CADM1: variants seen among roughly 807,000 people sequenced by gnomAD.
CADM1 encodes TSLC-1.
CADM1 carries 15 observed loss-of-function variants against 53.1 expected under a neutral mutation model. The observed-to-expected ratio is 0.28, with a 90% CI of 0.19 to 0.44. The LOEUF is 0.44. CADM1 is among the 20% of genes least tolerant of loss of function. The pLI, the probability that CADM1 is intolerant of heterozygous loss-of-function variation, is 1.00. For synonymous variants in CADM1, 281 were observed against 243.0 expected, an observed-to-expected ratio of 1.16 and a Z score of -1.45; for missense variants, 434 against 611.3, an observed-to-expected ratio of 0.71 and a Z score of 3.06.
At chr11:115,497,822 G>A (rs541463696) in intron 1 of CADM1, among the ~76,000 whole-genome samples, 4 of 152,190 alleles carry the variant, frequency 2.6e-5, no homozygotes, top group Admixed American at 1.3e-4. Context: ...AGAGGGGGCG[G>A]TGCAGGGGGC....
intron 1 of CADM1, among the ~76,000 whole-genome samples, chr11:115,447,136 A>C (rs1166812762): frequency 2.0e-5 from 3 of 152,190 alleles, no homozygotes; most frequent in Admixed American, 2.0e-4. Flanking sequence ...AATAATGAAT[A>C]AATAGTGATC....
At chr11:115,367,436 A>G (rs1159376518) in intron 1 of CADM1, among the ~76,000 whole-genome samples, 1 of 152,224 alleles carries the variant, frequency 6.6e-6, no homozygotes, top group African/African-American at 2.4e-5. Flanking sequence ...CTATACATCA[A>G]ATCAAGTGTT....
intron 1 of CADM1, among the ~76,000 whole-genome samples, chr11:115,485,791 T>G (rs1949360074): frequency 6.6e-6 from 1 of 152,220 alleles, no homozygotes; most frequent in Non-Finnish European, 1.5e-5. Flanking sequence ...GTGAGAACGC[T>G]AAGACACATC....
At chr11:115,455,323 T>G (rs1948659651) in intron 1 of CADM1, among the ~76,000 whole-genome samples, 1 of 151,458 alleles carries the variant, frequency 6.6e-6, no homozygotes, top group Non-Finnish European at 1.5e-5. Context: ...CAGTGAGTTT[T>G]GGGAAAAAAA....
At chr11:115,308,228 G>T (rs1279057207) in intron 1 of CADM1, among the ~76,000 whole-genome samples, 1 of 98,128 alleles carries the variant, frequency 1.0e-5, no homozygotes, top group Non-Finnish European at 2.0e-5. Context: ...CTATGAGAAG[G>T]TTTTTGTCCT....
chr11:115,287,872 A>C (rs112203407), intron 1 of CADM1, among the ~76,000 whole-genome samples: 1,557 of 152,296 alleles, frequency 0.01, 10 homozygotes, highest in African/African-American at 0.019. Context: ...ATATACATCC[A>C]AGTCCTTGTC....
At chr11:115,327,364 G>A (rs537726829) in intron 1 of CADM1, among the ~76,000 whole-genome samples, 43 of 152,210 alleles carry the variant, frequency 2.8e-4, no homozygotes, top group Admixed American at 1.5e-3. Context: ...TGGCACTTGC[G>A]GGATGCTGCT....
At chr11:115,191,961 T>A (rs1392484214) in intron 9 of CADM1, among the ~76,000 whole-genome samples, 2 of 152,222 alleles carry the variant, frequency 1.3e-5, no homozygotes, top group Non-Finnish European at 2.9e-5. Flanking sequence ...AAGTTGTGTT[T>A]ATTTTTGCAT....
intron 1 of CADM1, among the ~76,000 whole-genome samples, chr11:115,460,445 C>T (rs1043904026): frequency 2.6e-5 from 4 of 152,152 alleles, no homozygotes; most frequent in African/African-American, 9.7e-5. Flanking sequence ...AAATCCTCTC[C>T]CACAAGTAAC....
intron 1 of CADM1, among the ~76,000 whole-genome samples, chr11:115,503,572 G>T (rs879802558): frequency 1.3e-5 from 2 of 152,066 alleles, no homozygotes; most frequent in African/African-American, 4.8e-5. Flanking sequence ...CCCCCCCCGC[G>T]GGGCCGGGCC....
chr11:115,233,890 A>C (rs10891814), intron 3 of CADM1, among the ~76,000 whole-genome samples: 70,467 of 152,152 alleles, frequency 0.46, 19,395 homozygotes, highest in Non-Finnish European at 0.62. Context: ...CAAATGGCTA[A>C]AGCCACTGGC....
At chr11:115,182,046 T>C (rs890878354) in intron 10 of CADM1, among the ~76,000 whole-genome samples, 1 of 152,190 alleles carries the variant, frequency 6.6e-6, no homozygotes, top group Non-Finnish European at 1.5e-5. Flanking sequence ...AAATGACTTC[T>C]AAGTGGGAAA....
Position 115,440,317 on chromosome 11 carries a change from C to T in CADM1, c.124+63954G>A, listed in dbSNP as rs1948281133. 2.6e-5 allele frequency among the ~76,000 whole-genome samples: 4 copies of T among 152,314 alleles called. No homozygotes were observed. In the East Asian group the frequency reaches 7.7e-4, roughly 29 times the overall value. ...TGATAAACTGTAATTGTTTCATTGC[C>T]TGTATTCCCACTCGATGCTAAGCTC... is the stretch of plus-strand genomic sequence containing the variant. On this transcript the variant is annotated intron_variant, in intron 1 of 11. Coordinates refer to ENST00000331581, the MANE Select transcript of CADM1 (RefSeq NM_001301043.2).
intron 1 of CADM1, among the ~76,000 whole-genome samples, chr11:115,262,946 A>G (rs1191530151): frequency 2.0e-5 from 3 of 152,358 alleles, no homozygotes; most frequent in Middle Eastern, 3.4e-3. Flanking sequence ...TACAAAAACT[A>G]AGAGATGAAT....
intron 1 of CADM1, among the ~76,000 whole-genome samples, chr11:115,327,218 A>G (rs1248436689): frequency 6.6e-6 from 1 of 152,082 alleles, no homozygotes; most frequent in Non-Finnish European, 1.5e-5. Context: ...TGTTACTTCC[A>G]GAGGGGTTAG....
chr11:115,403,781 G>C (rs997492027), intron 1 of CADM1, among the ~76,000 whole-genome samples: 1 of 151,562 alleles, frequency 6.6e-6, no homozygotes, highest in Non-Finnish European at 1.5e-5. Context: ...ATTTTTAGTA[G>C]AGACAGGGTT....
intron 1 of CADM1, among the ~76,000 whole-genome samples, chr11:115,352,072 G>A (rs1012505361): frequency 6.6e-6 from 1 of 152,142 alleles, no homozygotes; most frequent in African/African-American, 2.4e-5. Context: ...TTGTGCAGAT[G>A]TAGTGATGAA....
At chr11:115,301,019 T>A (rs1944206906) in intron 1 of CADM1, among the ~76,000 whole-genome samples, 1 of 152,030 alleles carries the variant, frequency 6.6e-6, no homozygotes, top group African/African-American at 2.4e-5. Context: ...AGCACCTCCT[T>A]TATTGCTCAC....
chr11:115,324,137 A>G (rs1377850838), intron 1 of CADM1, among the ~76,000 whole-genome samples: 1 of 152,226 alleles, frequency 6.6e-6, no homozygotes, highest in Non-Finnish European at 1.5e-5. Flanking sequence ...ACAATGGGGA[A>G]CAACTTAACT....
Sources: allele counts gnomAD v4.1 joint callset (sites outside exome capture counted in the v4.1 genomes callset), GRCh38; gene constraint gnomAD v4.1.1; transcripts MANE v1.5; gene names NCBI Gene and HGNC (gene_info 2026-07-23, HGNC 2026-07-21).